LCLAT1: variants seen among roughly 807,000 people sequenced by gnomAD.
LCLAT1 encodes the protein 1-AGP acyltransferase 8.
In LCLAT1, 11 loss-of-function variants were observed where a neutral mutation model predicts 30.7. That is an observed-to-expected ratio of 0.36 (90% CI 0.23 to 0.59). The LOEUF (loss-of-function observed/expected upper bound fraction) is 0.59. LCLAT1 is among the 20% of genes least tolerant of loss of function. The pLI is 0.77. For synonymous variants in LCLAT1, 155 were observed against 151.3 expected (o/e 1.02, Z -0.18); for missense variants, 402 against 458.6 (o/e 0.88, Z 1.13).
chr2:30,599,144 G>C (rs775093153), intron 5 of LCLAT1, among the ~76,000 whole-genome samples: 3 of 151,956 alleles, frequency 2.0e-5, no homozygotes, highest in African/African-American at 4.8e-5. Flanking sequence ...AGCATGCCAG[G>C]CTAATTTTTG....
chr2:30,536,234 T>C (rs1686235520), intron 3 of LCLAT1, among the ~76,000 whole-genome samples: 1 of 152,162 alleles, frequency 6.6e-6, no homozygotes, highest in Non-Finnish European at 1.5e-5. Context: ...AATGAAATAA[T>C]AGCTGAAAAC....
rs563530117 is a variant in LCLAT1 at position 30,532,041 on chromosome 2, G to C, written c.166-1075G>C. Among the ~76,000 whole-genome samples the C allele has an allele frequency of 5.9e-5, 9 of 152,130 alleles. No homozygotes were observed. In the South Asian group the frequency reaches 1.5e-3, roughly 25 times the overall value. ...CTTTTAAGATAGTTATTTTCTTCTT[G>C]TTCTTTATAATTTTAGCATCTATAT... On this transcript the variant is annotated intron_variant, in intron 2 of 5. Transcript: ENST00000379509.
rs115697931 is a variant in LCLAT1, at chr2:30,548,325, C to T, written c.365-13821C>T. Among the ~76,000 whole-genome samples, 1,064 of 152,146 alleles carry T rather than the reference C, an allele frequency of 7.0e-3. 12 individuals carry two copies. Among genetic ancestry groups the T allele is most frequent in the African/African-American group, 0.025 (1,023 of 41,510 alleles). Reference sequence around the variant, plus strand: ...CCTGAGAACATGTGCCCAAAGTGGTCGGGGTACAGCTTGGGTTTATATATT... The same window carrying T: ...CCTGAGAACATGTGCCCAAAGTGGTTGGGGTACAGCTTGGGTTTATATATT... On this transcript the variant is annotated intron_variant, in intron 3 of 5. Transcript: ENST00000379509.
chr2:30,542,943 A>C (rs1441573365), intron 3 of LCLAT1, among the ~76,000 whole-genome samples: 2 of 141,058 alleles, frequency 1.4e-5, no homozygotes, highest in African/African-American at 5.2e-5. Context: ...TTAATATTCG[A>C]CTTTTATGGC....
chr2:30,587,693 A>G (rs1381890516), intron 5 of LCLAT1, among the ~76,000 whole-genome samples: 2 of 152,244 alleles, frequency 1.3e-5, no homozygotes, highest in African/African-American at 4.8e-5. Flanking sequence ...AAGTTAAGCA[A>G]AACTTGAATT....
intron 3 of LCLAT1, among the ~76,000 whole-genome samples, chr2:30,536,530 G>A (rs1558504294): frequency 6.6e-6 from 1 of 152,168 alleles, no homozygotes; most frequent in Non-Finnish European, 1.5e-5. Flanking sequence ...TACTGTAACT[G>A]GCAATGCTAT....
chr2:30,463,367 G>T (rs951463921), intron 1 of LCLAT1, among the ~76,000 whole-genome samples: 3 of 151,926 alleles, frequency 2.0e-5, no homozygotes, highest in African/African-American at 7.2e-5. Context: ...CATACATAGA[G>T]ATTTCTTTTT....
At chr2:30,539,248 CT>C (rs72012748) in intron 3 of LCLAT1, among the ~76,000 whole-genome samples, 12,802 of 90,594 alleles carry the variant, frequency 0.14, 1,776 homozygotes, top group African/African-American at 0.43. Flanking sequence ...CGCGCCAGGC[CT>C]TTTTTTTTTT....
chr2:30,506,832 A>G (rs1224274676), intron 1 of LCLAT1, among the ~76,000 whole-genome samples: 3 of 152,152 alleles, frequency 2.0e-5, no homozygotes, highest in African/African-American at 7.2e-5. Flanking sequence ...GCAAATTAGC[A>G]TCTATCCATA....
At chr2:30,546,445 C>T (rs916151989) in intron 3 of LCLAT1, among the ~76,000 whole-genome samples, 4 of 152,004 alleles carry the variant, frequency 2.6e-5, no homozygotes, top group Admixed American at 2.0e-4. Flanking sequence ...CTTTTTAGTA[C>T]ACTATAGGAA....
At chr2:30,604,872 T>G (rs959137981) in intron 5 of LCLAT1, among the ~76,000 whole-genome samples, 1 of 152,156 alleles carries the variant, frequency 6.6e-6, no homozygotes, top group Non-Finnish European at 1.5e-5. Flanking sequence ...CAGCCTCAAA[T>G]TTCCTTGGGT....
intron 1 of LCLAT1, among the ~76,000 whole-genome samples, chr2:30,520,737 G>A (rs780134690): frequency 9.2e-5 from 14 of 152,060 alleles, no homozygotes; most frequent in East Asian, 1.9e-4. Context: ...AGAATTCCCC[G>A]TATTATAAGA....
intron 3 of LCLAT1, among the ~76,000 whole-genome samples, chr2:30,560,918 C>T (rs1665186418): frequency 6.6e-6 from 1 of 151,992 alleles, no homozygotes; most frequent in South Asian, 2.1e-4. Context: ...CTTTGGGGGG[C>T]TTTTGCCCTT....
intron 2 of LCLAT1, among the ~76,000 whole-genome samples, chr2:30,526,771 A>G (rs1685742466): frequency 1.3e-5 from 2 of 152,234 alleles, no homozygotes; most frequent in Admixed American, 6.5e-5. Context: ...AGGAGATAAT[A>G]GTCCTCTACC....
At chr2:30,554,385 A>G (rs1196412242) in intron 3 of LCLAT1, among the ~76,000 whole-genome samples, 2 of 152,248 alleles carry the variant, frequency 1.3e-5, no homozygotes, top group African/African-American at 4.8e-5. Context: ...TCTAAGGAGA[A>G]TATAAACTAT....
chr2:30,459,709 T>C (rs1310116986), intron 1 of LCLAT1: 1 of 1,612,772 alleles, frequency 6.2e-7, no homozygotes, highest in Non-Finnish European at 8.5e-7. Flanking sequence ...AAAGCAGGAC[T>C]CTAAAAGCTT....
At chr2:30,458,879 TAAG>T in intron 1 of LCLAT1, among the ~76,000 whole-genome samples, 3 of 152,334 alleles carry the variant, frequency 2.0e-5, no homozygotes, top group African/African-American at 7.2e-5. Flanking sequence ...TGTGTGAATG[TAAG>T]AAGCTTACCT....
chr2:30,630,819 A>G (rs918784605), intron 5 of LCLAT1, among the ~76,000 whole-genome samples: 1 of 152,246 alleles, frequency 6.6e-6, no homozygotes, highest in Non-Finnish European at 1.5e-5. Flanking sequence ...GAAATAAAGT[A>G]TGAATCTTTA....
intron 5 of LCLAT1, among the ~76,000 whole-genome samples, chr2:30,636,007 AC>A (rs890301969): frequency 6.6e-6 from 1 of 152,198 alleles, no homozygotes; most frequent in African/African-American, 2.4e-5. Context: ...CAGGATGGCA[AC>A]CAGGTACCCA....
Sources: allele counts gnomAD v4.1 joint callset (sites outside exome capture counted in the v4.1 genomes callset), GRCh38; gene constraint gnomAD v4.1.1; transcripts MANE v1.5; gene names NCBI Gene and HGNC (gene_info 2026-07-23, HGNC 2026-07-21).